The following BANK1 variants were observed in gnomAD, a reference collection of about 807,000 sequenced individuals.
The protein encoded by BANK1 is B-cell scaffold protein with ankyrin repeats.
A neutral mutation model predicts 94.5 loss-of-function variants in BANK1; 95 were observed. The ratio of observed to expected loss-of-function variants is 1.00; its 90% confidence interval spans 0.85 to 1.19. The LOEUF is 1.19. Among genes scored for constraint, BANK1 ranks in the 50% most tolerant of loss-of-function variants. The probability of loss-of-function intolerance (pLI) is 0.00; values close to 1 mark genes in which losing one functional copy is unlikely to be tolerated. For synonymous variants in BANK1, 334 were observed against 308.4 expected (o/e 1.08, Z -0.87); for missense variants, 987 against 932.2 (o/e 1.06, Z -0.77).
At chr4:101,817,392 G>T (rs1290486865) in intron 1 of BANK1, among the ~76,000 whole-genome samples, 1 of 152,178 alleles carries the variant, frequency 6.6e-6, no homozygotes, top group Non-Finnish European at 1.5e-5. Flanking sequence ...AATGGATGGT[G>T]CTGAAGGCCA....
chr4:101,899,254 A>T (rs1172114249), intron 6 of BANK1, among the ~76,000 whole-genome samples: 1 of 152,128 alleles, frequency 6.6e-6, no homozygotes, highest in Non-Finnish European at 1.5e-5. Flanking sequence ...TTAGTAACAA[A>T]CACATCATCA....
At chr4:101,800,732 C>T (rs536845304) in intron 1 of BANK1, among the ~76,000 whole-genome samples, 1 of 152,256 alleles carries the variant, frequency 6.6e-6, no homozygotes, top group African/African-American at 2.4e-5. Context: ...TTACACGTTA[C>T]TTGTTTCAGA....
intron 5 of BANK1, among the ~76,000 whole-genome samples, chr4:101,886,061 G>T (rs1728843833): frequency 6.6e-6 from 1 of 152,188 alleles, no homozygotes; most frequent in Non-Finnish European, 1.5e-5. Flanking sequence ...GACCACTGTT[G>T]TATATGAGGT....
intron 11 of BANK1, among the ~76,000 whole-genome samples, chr4:102,046,357 A>G (rs1362723543): frequency 1.3e-5 from 2 of 150,964 alleles, no homozygotes; most frequent in Non-Finnish European, 2.9e-5. Context: ...CCATAATACA[A>G]TTAATACAAG....
chr4:102,042,728 A>G (rs776758420), intron 10 of BANK1, among the ~76,000 whole-genome samples: 3 of 152,078 alleles, frequency 2.0e-5, no homozygotes, highest in Admixed American at 6.6e-5. Flanking sequence ...CACAGGCCTC[A>G]GCTCAATTAT....
At chr4:101,821,770 T>C (rs1182958081) in intron 1 of BANK1, among the ~76,000 whole-genome samples, 3 of 152,072 alleles carry the variant, frequency 2.0e-5, no homozygotes, top group Non-Finnish European at 4.4e-5. Flanking sequence ...AGATGGTTAT[T>C]GGAATTGCAT....
At chr4:101,961,078 T>G (rs1724551964) in intron 7 of BANK1, among the ~76,000 whole-genome samples, 1 of 152,160 alleles carries the variant, frequency 6.6e-6, no homozygotes, top group Non-Finnish European at 1.5e-5. Context: ...CTTTCCCAGT[T>G]TTTGATCACT....
intron 2 of BANK1, among the ~76,000 whole-genome samples, chr4:101,841,137 C>A (rs1322389021): frequency 2.0e-5 from 3 of 151,934 alleles, no homozygotes; most frequent in Admixed American, 2.0e-4. Flanking sequence ...AAAATTAAAA[C>A]ATGTATATAT....
intron 1 of BANK1, among the ~76,000 whole-genome samples, chr4:101,791,371 T>G (rs888039119): frequency 1.4e-4 from 21 of 152,216 alleles, no homozygotes; most frequent in African/African-American, 5.1e-4. Context: ...CGTCACGCAT[T>G]TACCTGCCCG....
At position 101,981,376 on chromosome 4, in the gene BANK1, A is replaced by G. The variant is rs374650703; in HGVS notation, c.1207-40138A>G. Among the ~76,000 whole-genome samples the G allele has an allele frequency of 4.6e-5, 7 of 152,086 alleles. 1 individual carries two copies. The East Asian group carries it at 1.2e-3, about 25-fold the overall frequency. On this transcript the variant is annotated intron_variant, in intron 7 of 16. Transcript: ENST00000322953. ...CTAATTAATATAATAAAGTAGTTGA[A>G]TAGATTTAATAATATTGACCTGATT...
chr4:102,000,432 G>A (rs568225445), intron 7 of BANK1, among the ~76,000 whole-genome samples: 2 of 150,456 alleles, frequency 1.3e-5, no homozygotes, highest in South Asian at 4.2e-4. Context: ...GGCAAGCCAA[G>A]ACATATGACT....
intron 7 of BANK1, among the ~76,000 whole-genome samples, chr4:101,931,925 A>G (rs1204850541): frequency 6.6e-6 from 1 of 151,506 alleles, no homozygotes; most frequent in African/African-American, 2.4e-5. Flanking sequence ...AAAAATCCAT[A>G]ACAATTCAGG....
chr4:101,854,607 GT>G (rs962580171), intron 2 of BANK1, among the ~76,000 whole-genome samples: 23 of 146,998 alleles, frequency 1.6e-4, no homozygotes, highest in African/African-American at 4.0e-4. Flanking sequence ...TGTGCTTTCT[GT>G]TTTTTTTTTA....
intron 1 of BANK1, among the ~76,000 whole-genome samples, chr4:101,812,442 C>T (rs1560583788): frequency 6.6e-6 from 1 of 151,924 alleles, no homozygotes; most frequent in East Asian, 1.9e-4. Context: ...TTTCTCTACA[C>T]TATATTTAAA....
intron 13 of BANK1, among the ~76,000 whole-genome samples, chr4:102,070,687 A>T (rs2148967778): frequency 6.6e-6 from 1 of 152,252 alleles, no homozygotes; most frequent in East Asian, 1.9e-4. Flanking sequence ...GTCGCCTGAC[A>T]TTCCTGGTGG....
In BANK1 at chr4:101,995,936, T is replaced by C. The variant is rs902508286; in HGVS notation, c.1207-25578T>C. 8.9e-4 allele frequency among the ~76,000 whole-genome samples: 135 copies of C among 152,212 alleles called. 1 individual carries two copies. Among genetic ancestry groups the C allele is most frequent in the African/African-American group, 3.1e-3 (128 of 41,544 alleles). ...TGATAGTTTTTTTGCTGTGCAGAAG[T>C]TTAGTTTAGTTTAATTAGATCCCAT... On this transcript the variant is annotated intron_variant, in intron 7 of 16. Coordinates refer to ENST00000322953, the MANE Select transcript of BANK1 (RefSeq NM_017935.5).
chr4:101,817,171 A>C (rs1034651194), intron 1 of BANK1, among the ~76,000 whole-genome samples: 3 of 152,112 alleles, frequency 2.0e-5, no homozygotes, highest in Admixed American at 2.0e-4. Flanking sequence ...GGTGAGATTC[A>C]ATAATTTATA....
At chr4:101,983,626 T>C (rs1725389928) in intron 7 of BANK1, among the ~76,000 whole-genome samples, 1 of 152,090 alleles carries the variant, frequency 6.6e-6, no homozygotes, top group African/African-American at 2.4e-5. Context: ...TAGCATAGTA[T>C]TCACAGATAT....
chr4:101,863,404 G>T (rs75690445), intron 4 of BANK1, among the ~76,000 whole-genome samples: 1,864 of 152,016 alleles, frequency 0.012, 18 homozygotes, highest in Non-Finnish European at 0.019. Context: ...CCTCATAAAT[G>T]TGAACTTTAT....
Sources: gnomAD v4.1 joint callset for allele counts (sites outside exome capture counted in the v4.1 genomes callset) on GRCh38, gnomAD v4.1.1 for gene constraint, MANE v1.5 for transcripts, NCBI Gene and HGNC (gene_info 2026-07-23, HGNC 2026-07-21) for gene names.